The following KLF12 variants were observed in gnomAD, a reference collection of about 807,000 sequenced individuals.
KLF12 encodes KLF transcription factor 12, also known as Krueppel-like factor 12.
Under a neutral mutation model 37.8 loss-of-function variants are expected in KLF12, and 9 were observed. The observed-to-expected ratio is 0.24, with a 90% CI of 0.14 to 0.42. The LOEUF is 0.42. KLF12 is among the 10% of genes least tolerant of loss of function. The probability of loss-of-function intolerance (pLI) is 1.00; values close to 1 mark genes in which losing one functional copy is unlikely to be tolerated. For missense variants in KLF12, 411 were observed against 516.0 expected, an observed-to-expected ratio of 0.80 and a Z score of 1.97; for synonymous variants, 208 against 202.1, an observed-to-expected ratio of 1.03 and a Z score of -0.25.
chr13:73,957,876 G>A (rs568822942), intron 2 of KLF12, among the ~76,000 whole-genome samples: 52 of 152,220 alleles, frequency 3.4e-4, no homozygotes, highest in African/African-American at 1.2e-3. Context: ...TAAAAGATAC[G>A]CTGGGCAGTA....
chr13:73,909,863 C>G (rs1475345665), intron 3 of KLF12, among the ~76,000 whole-genome samples: 1 of 152,162 alleles, frequency 6.6e-6, no homozygotes, highest in African/African-American at 2.4e-5. Context: ...TTTTCTTGAT[C>G]TACTATTCCA....
At chr13:74,186,238 TA>T in the KLF12 span, among the ~76,000 whole-genome samples, 28 of 152,282 alleles carry the variant, frequency 1.8e-4, no homozygotes, top group East Asian at 3.3e-3. Flanking sequence ...ACTTTGATAT[TA>T]GCAACAGCTT....
intron 1 of KLF12, among the ~76,000 whole-genome samples, chr13:74,027,486 T>TGAAGCA (rs1423745214): frequency 1.3e-5 from 2 of 152,156 alleles, no homozygotes; most frequent in Admixed American, 1.3e-4. Context: ...GTTCTATAAA[T>TGAAGCA]GAAGCAAAAG....
chr13:74,148,935 C>T, the KLF12 span, among the ~76,000 whole-genome samples: 1 of 152,148 alleles, frequency 6.6e-6, no homozygotes, highest in East Asian at 1.9e-4. Context: ...CTGCCTCAGC[C>T]TCTCTAGTAG....
the KLF12 span, among the ~76,000 whole-genome samples, chr13:74,158,388 T>G: frequency 1.3e-5 from 2 of 152,304 alleles, no homozygotes; most frequent in African/African-American, 4.8e-5. Flanking sequence ...CAGAGTGACC[T>G]GCCGGTGTTA....
rs141139302 is a variant in KLF12 at position 73,788,681 on chromosome 13, A to G, written c.807-23681T>C. Among the ~76,000 whole-genome samples the G allele has an allele frequency of 1.8e-3, 270 of 152,120 alleles. 1 individual carries two copies. The highest frequency in any genetic ancestry group is 5.8e-3 in the African/African-American group (242 of 41,500). ...TTTAAAGATTTTTGTTCCCTCCATT[A>G]AACTGCTTTTATCTCAGTTTTCATT... is the stretch of plus-strand genomic sequence containing the variant. On this transcript the variant is annotated intron_variant, in intron 5 of 7. Transcript: ENST00000377669.
chr13:73,832,052 A>G (rs1169452468), intron 4 of KLF12, among the ~76,000 whole-genome samples: 2 of 152,262 alleles, frequency 1.3e-5, no homozygotes, highest in African/African-American at 2.4e-5. Flanking sequence ...AAGAGTTAAA[A>G]TGCTTTGAAA....
chr13:73,841,789 C>T (rs1319391832), intron 4 of KLF12, among the ~76,000 whole-genome samples: 2 of 152,162 alleles, frequency 1.3e-5, no homozygotes, highest in African/African-American at 4.8e-5. Context: ...GAACCCCGCA[C>T]CTCCCAGTAC....
chr13:74,139,149 T>C, the KLF12 span, among the ~76,000 whole-genome samples: 47 of 152,340 alleles, frequency 3.1e-4, no homozygotes, highest in South Asian at 9.7e-3. Context: ...ATTTATTAGA[T>C]GCTTACCTGC....
chr13:74,058,479 C>T (rs1021922232), intron 1 of KLF12, among the ~76,000 whole-genome samples: 1 of 151,584 alleles, frequency 6.6e-6, no homozygotes, highest in Non-Finnish European at 1.5e-5. Context: ...CCTCAGCCTC[C>T]CGAGTAGCTG....
At chr13:74,251,657 T>G in the KLF12 span, among the ~76,000 whole-genome samples, 2 of 152,242 alleles carry the variant, frequency 1.3e-5, no homozygotes, top group South Asian at 4.2e-4. Context: ...TGAGAAAGAT[T>G]TGGCTCCCCA....
At chr13:74,297,384 G>A in the KLF12 span, among the ~76,000 whole-genome samples, 8 of 152,242 alleles carry the variant, frequency 5.3e-5, no homozygotes, top group East Asian at 5.8e-4. Context: ...GGACTTCTCC[G>A]AACCTTTAAT....
intron 3 of KLF12, among the ~76,000 whole-genome samples, chr13:73,915,689 A>ATTTTTT (rs140697314): frequency 1.0e-5 from 1 of 99,150 alleles, no homozygotes; most frequent in Non-Finnish European, 2.0e-5. Flanking sequence ...ATTTTTTTGT[A>ATTTTTT]TTTTTTTTTT....
chr13:74,017,994 T>G (rs1451024744), intron 1 of KLF12, among the ~76,000 whole-genome samples: 1 of 152,074 alleles, frequency 6.6e-6, no homozygotes, highest in Admixed American at 6.6e-5. Flanking sequence ...CCACTCTACC[T>G]TCCTCAATAA....
intron 2 of KLF12, among the ~76,000 whole-genome samples, chr13:73,968,684 G>A (rs1266515744): frequency 6.6e-6 from 1 of 152,168 alleles, no homozygotes; most frequent in Non-Finnish European, 1.5e-5. Context: ...CAGTAGAAAT[G>A]TAAAGAATAT....
At chr13:74,147,330 A>G in the KLF12 span, among the ~76,000 whole-genome samples, 1 of 152,038 alleles carries the variant, frequency 6.6e-6, no homozygotes, top group East Asian at 1.9e-4. Context: ...TAGAATGCTA[A>G]TAGGTGCTCC....
At chr13:74,161,434 G>A in the KLF12 span, among the ~76,000 whole-genome samples, 1 of 152,142 alleles carries the variant, frequency 6.6e-6, no homozygotes, top group Non-Finnish European at 1.5e-5. Context: ...AGGCACAGGG[G>A]AAGAAGGCCA....
At chr13:73,865,330 G>A (rs1297973898) in intron 3 of KLF12, among the ~76,000 whole-genome samples, 1 of 152,120 alleles carries the variant, frequency 6.6e-6, no homozygotes, top group Non-Finnish European at 1.5e-5. Context: ...CACGTAAAAT[G>A]TGGAAAAAGA....
chr13:74,247,681 G>A, the KLF12 span, among the ~76,000 whole-genome samples: 40 of 151,660 alleles, frequency 2.6e-4, no homozygotes, highest in African/African-American at 6.8e-4. Context: ...TATTTTGCGC[G>A]GACTGGTCTT....
Sources: allele counts gnomAD v4.1 joint callset (sites outside exome capture counted in the v4.1 genomes callset), GRCh38; gene constraint gnomAD v4.1.1; transcripts MANE v1.5; gene names NCBI Gene and HGNC (gene_info 2026-07-23, HGNC 2026-07-21).